KIF26A: variants seen among roughly 807,000 people sequenced by gnomAD.
KIF26A encodes the protein kinesin family member 26A.
In KIF26A, 74 loss-of-function variants were observed where a neutral mutation model predicts 126.0. The observed-to-expected ratio is 0.59, with a 90% CI of 0.49 to 0.71. The LOEUF is 0.71. KIF26A is among the 30% of genes least tolerant of loss of function. The pLI is 0.00. For synonymous variants in KIF26A, 1,445 were observed against 1,232.7 expected, an observed-to-expected ratio of 1.17 and a Z score of -3.61; for missense variants, 2,984 against 2,763.3, an observed-to-expected ratio of 1.08 and a Z score of -1.79.
At chr14:104,163,847 C>T (rs760517205) in intron 4 of KIF26A, among the ~76,000 whole-genome samples, 73 of 152,098 alleles carry the variant, frequency 4.8e-4, no homozygotes, top group Non-Finnish European at 8.8e-4. Flanking sequence ...GGCAAGGAAC[C>T]CAAGTCCCCG....
At chr14:104,169,360 CT>C (rs2037936177) in intron 5 of KIF26A, among the ~76,000 whole-genome samples, 1 of 152,242 alleles carries the variant, frequency 6.6e-6, no homozygotes, top group African/African-American at 2.4e-5. Flanking sequence ...GCCCGCAACA[CT>C]TTTCCCAGCG....
chr14:104,141,773 C>T (rs1468239975), intron 2 of KIF26A, among the ~76,000 whole-genome samples: 2 of 152,214 alleles, frequency 1.3e-5, no homozygotes, highest in African/African-American at 4.8e-5. Context: ...CACCCGATGC[C>T]TGCATGGTCC....
rs1326129166 is a variant in KIF26A at position 104,173,525 on chromosome 14, AC to A, written c.1867+15del. 6.5e-7 allele frequency: 1 copy of A among 1,541,884 alleles called. No individual in the cohort carries two copies. The highest frequency in any genetic ancestry group is 1.9e-5 in the Admixed American group (1 of 52,608). On this transcript the variant is annotated intron_variant, in intron 9 of 14. Coordinates refer to ENST00000423312, the MANE Select transcript of KIF26A (RefSeq NM_015656.2). ...CGGCCGGGGAGGAAGTAGGTGCCAC[AC>A]CCGCACTCCCGGGCCCCTGTGGGAT...
chr14:104,140,133 C>T (rs2037623975), intron 2 of KIF26A, among the ~76,000 whole-genome samples: 1 of 152,168 alleles, frequency 6.6e-6, no homozygotes, highest in Admixed American at 6.5e-5. Flanking sequence ...TCTCTAAGGG[C>T]TGTGGGGGTT....
intron 2 of KIF26A, among the ~76,000 whole-genome samples, chr14:104,141,588 G>A (rs71417896): frequency 6.6e-6 from 1 of 151,040 alleles, no homozygotes; most frequent in African/African-American, 2.4e-5. Context: ...GGGAGGCGTA[G>A]AGGGTCGGGG....
rs529602818 is a variant in KIF26A, at chr14:104,175,671, C to T, written c.2883C>T (p.Ala961=). Residue 961 remains alanine (A), a synonymous_variant, in exon 12 of 15, where the codon GCC becomes GCT. Coordinates refer to ENST00000423312, the MANE Select transcript of KIF26A (RefSeq NM_015656.2). ...PAPPPPQLLE[A]CRAPEEPGGG... ...CCCCACCTCCTCAGTTGCTGGAAGC[C>T]TGCAGAGCCCCAGAAGAGCCTGGGG... The T allele has an allele frequency of 1.9e-5, 31 of 1,607,482 alleles. No individual in the cohort carries two copies. In the African/African-American group the frequency reaches 2.8e-4, roughly 15 times the overall value.
At position 104,176,114 on chromosome 14, in the gene KIF26A, C is replaced by T; in HGVS notation, c.3326C>T (p.Ser1109Phe). 1 of 1,583,010 alleles carries T rather than the reference C, an allele frequency of 6.3e-7. No individual in the cohort carries two copies. ...AAWAGSSHGS[S>F]ISSWLSEVSV... ...TGGGCCGGCAGCAGTCACGGCTCCT[C>T]CATCAGCTCCTGGCTCAGCGAGGTC... The change falls in exon 12 of 15, where the codon TCC becomes TTC. Residue 1109 changes from serine to phenylalanine, a missense_variant. Ser to Phe is a radical substitution (Grantham distance 155). Transcript: ENST00000423312.
Position 104,177,501 on chromosome 14 carries a change from A to G in KIF26A, c.4713A>G (p.Ser1571=), listed in dbSNP as rs1161932743. Residue 1571 remains serine (S), a synonymous_variant, in exon 12 of 15, where the codon TCA becomes TCG. Coordinates refer to ENST00000423312, the MANE Select transcript of KIF26A (RefSeq NM_015656.2). Reference sequence around the variant, plus strand: ...CTCACAGCCGCGTCCATGAGCTGTCAGCCAGTGGAGCCCCGGGCCGAGGTG... The same window carrying G: ...CTCACAGCCGCGTCCATGAGCTGTCGGCCAGTGGAGCCCCGGGCCGAGGTG... ...RAAHSRVHEL[S]ASGAPGRGGS... The G allele has an allele frequency of 1.3e-6, 2 of 1,534,420 alleles. No individual in the cohort carries two copies. Among genetic ancestry groups the G allele is most frequent in the Non-Finnish European group, 8.7e-7 (1 of 1,145,858 alleles).
Position 104,139,242 on chromosome 14 carries a change from A to G in KIF26A, c.242A>G (p.Lys81Arg). The G allele has an allele frequency of 3.2e-6, 5 of 1,555,856 alleles. No homozygotes were observed. The highest frequency in any genetic ancestry group is 1.2e-5 in the South Asian group (1 of 83,214). ...TGCCACACGAAGCTGGTGGAGCTCA[A>G]GCGACAGGCGTGGAAGCTGGTCAGC... ...RHCHTKLVEL[K>R]RQAWKLVSGP... Residue 81 changes from lysine (K) to arginine (R), a missense_variant, in exon 2 of 15, where the codon AAG (lysine) becomes AGG (arginine). Transcript: ENST00000423312.
At chr14:104,172,282 G>A (rs1322807250) in intron 6 of KIF26A, among the ~76,000 whole-genome samples, 1 of 152,238 alleles carries the variant, frequency 6.6e-6, no homozygotes, top group African/African-American at 2.4e-5. Flanking sequence ...GTGGCTGCGT[G>A]TGCGTCTCTC....
intron 4 of KIF26A, among the ~76,000 whole-genome samples, chr14:104,161,103 G>A (rs554138124): frequency 5.3e-5 from 8 of 152,380 alleles, no homozygotes; most frequent in African/African-American, 1.9e-4. Flanking sequence ...CTTCTGGCCT[G>A]TGGGTGAAAA....
In KIF26A at chr14:104,163,771, G is replaced by A. The variant is rs1183710727; in HGVS notation, c.924-3088G>A. On this transcript the variant is annotated intron_variant, in intron 4 of 14. Coordinates refer to ENST00000423312, the MANE Select transcript of KIF26A (RefSeq NM_015656.2). The stretch of plus-strand genomic sequence containing the variant: ...CACCTGCATCCTGGGGCCCAGGCCC[G>A]TGTGCCTGAGACCCCTGGACCTCAC... 2.7e-5 allele frequency among the ~76,000 whole-genome samples: 4 copies of A among 149,232 alleles called. No individual in the cohort carries two copies. In the East Asian group the frequency reaches 8.2e-4, roughly 31 times the overall value.
intron 4 of KIF26A, among the ~76,000 whole-genome samples, chr14:104,164,105 C>CA (rs200489107): frequency 0.013 from 2,037 of 152,274 alleles, 29 homozygotes; most frequent in Admixed American, 0.039. Flanking sequence ...AGCTCCTATT[C>CA]AAAATGAAAG....
chr14:104,151,582 C>A lies in KIF26A; in HGVS notation c.289-433C>A, dbSNP rs974557499. Among the ~76,000 whole-genome samples the A allele has an allele frequency of 6.6e-6, 1 of 152,238 alleles. No individual in the cohort carries two copies. The highest frequency in any genetic ancestry group is 2.4e-5 in the African/African-American group (1 of 41,464). ...ACCTGAAGAGGAAGGGAGAGGGTCT[C>A]CTGCCCCTGGCTCTGCCTTGAGTGA... is the stretch of plus-strand genomic sequence containing the variant. On this transcript the variant is annotated intron_variant, in intron 2 of 14. Coordinates refer to ENST00000423312, the MANE Select transcript of KIF26A (RefSeq NM_015656.2). This position sits in a 1 kb window ranked among gnomAD's most constrained non-coding sequence, Gnocchi z 4.9.
At chr14:104,164,046 G>A (rs1257330917) in intron 4 of KIF26A, among the ~76,000 whole-genome samples, 1 of 152,140 alleles carries the variant, frequency 6.6e-6, no homozygotes, top group Non-Finnish European at 1.5e-5. Flanking sequence ...TACTTTCCAC[G>A]ATGACACCTC....
At chr14:104,138,939 C>T in intron 1 of KIF26A, 104 bp from the exon 2 acceptor site, 2 of 1,294,282 alleles carry the variant, frequency 1.5e-6, no homozygotes, top group Non-Finnish European at 2.0e-6. Context: ...GTGCCCAGGG[C>T]TCCTAACTTT....
intron 4 of KIF26A, among the ~76,000 whole-genome samples, chr14:104,164,937 C>T (rs2037869695): frequency 2.0e-5 from 3 of 150,496 alleles, no homozygotes. Flanking sequence ...CTCTATGTCT[C>T]TCCGTGTTTC....
rs2038029746 is a variant in KIF26A, at chr14:104,176,477, A to G, written c.3689A>G (p.Gln1230Arg). ...CGTGTGGGCTGTGCTCGCCTGGGCC[A>G]GAGCCCACCTGGCCGTGGAGGCCTG... ...TTRVGCARLG[Q>R]SPPGRGGLFE... The change falls in exon 12 of 15, where the codon CAG becomes CGG. Residue 1230 changes from glutamine to arginine, a missense_variant. Transcript: ENST00000423312. 1.9e-6 allele frequency: 3 copies of G among 1,607,008 alleles called. No individual in the cohort carries two copies. The highest frequency in any genetic ancestry group is 1.3e-5 in the African/African-American group (1 of 75,040).
At chr14:104,163,456 A>G (rs1317615836) in intron 4 of KIF26A, among the ~76,000 whole-genome samples, 1 of 152,114 alleles carries the variant, frequency 6.6e-6, no homozygotes, top group East Asian at 2.0e-4. Context: ...ACGAGGGCAC[A>G]AGGGCCTCTT....
Sources: gnomAD v4.1 joint callset for allele counts (sites outside exome capture counted in the v4.1 genomes callset) on GRCh38, gnomAD v4.1.1 for gene constraint, Gnocchi (gnomAD v3.1) non-coding constraint, MANE v1.5 for transcripts, NCBI Gene and HGNC (gene_info 2026-07-23, HGNC 2026-07-21) for gene names.